The following PPM1H variants were observed in gnomAD, a reference collection of about 807,000 sequenced individuals.
The protein encoded by PPM1H is protein phosphatase 1H.
In PPM1H, 27 loss-of-function variants were observed where a neutral mutation model predicts 54.9. That is an observed-to-expected ratio of 0.49 (90% confidence interval 0.36 to 0.68). The LOEUF is 0.68. PPM1H is among the 30% of genes least tolerant of loss of function. PPM1H has a pLI of 0.00. For missense variants in PPM1H, 596 were observed against 667.8 expected, an observed-to-expected ratio of 0.89 and a Z score of 1.19; for synonymous variants, 305 against 270.8, an observed-to-expected ratio of 1.13 and a Z score of -1.24.
At position 62,752,908 on chromosome 12, in the gene PPM1H, C is replaced by T. The variant is rs979751396; in HGVS notation, c.870-15322G>A. Among the ~76,000 whole-genome samples the T allele has an allele frequency of 9.9e-5, 15 of 152,082 alleles. No homozygotes were observed. The South Asian group carries it at 1.2e-3, about 13-fold the overall frequency. On this transcript the variant is annotated intron_variant, in intron 4 of 9. Transcript: ENST00000228705. Reference sequence around the variant, plus strand: ...GATGATGCTATTAACACAGGAGAGACGAGCAGAAGAGTTGGTCTGGAGAAG... The same window carrying T: ...GATGATGCTATTAACACAGGAGAGATGAGCAGAAGAGTTGGTCTGGAGAAG...
intron 2 of PPM1H, among the ~76,000 whole-genome samples, chr12:62,807,549 G>A (rs1000338513): frequency 6.6e-6 from 1 of 152,180 alleles, no homozygotes; most frequent in African/African-American, 2.4e-5. Flanking sequence ...GCTGAGTGGT[G>A]GCAGGACAGG....
intron 6 of PPM1H, among the ~76,000 whole-genome samples, chr12:62,703,730 G>A (rs894364131): frequency 3.9e-5 from 6 of 152,072 alleles, no homozygotes; most frequent in Non-Finnish European, 5.9e-5. Flanking sequence ...GGAATCCACA[G>A]AGGCTCTCCC....
At chr12:62,666,841 G>A (rs2136611731) in intron 9 of PPM1H, among the ~76,000 whole-genome samples, 1 of 152,246 alleles carries the variant, frequency 6.6e-6, no homozygotes, top group African/African-American at 2.4e-5. Flanking sequence ...TGCCTCCCGA[G>A]TAACTGGGAT....
intron 5 of PPM1H, among the ~76,000 whole-genome samples, 194 bp downstream of exon 5, chr12:62,737,308 T>G (rs2076355309): frequency 6.6e-6 from 1 of 150,410 alleles, no homozygotes; most frequent in African/African-American, 2.5e-5. Flanking sequence ...AATAATAAAT[T>G]CACGGAGGTG....
At chr12:62,864,046 G>A (rs756106740) in intron 1 of PPM1H, among the ~76,000 whole-genome samples, 5 of 152,198 alleles carry the variant, frequency 3.3e-5, no homozygotes, top group Non-Finnish European at 7.3e-5. Flanking sequence ...TTCTACTGCA[G>A]GGGATATTTG....
chr12:62,734,869 C>A (rs561365892), intron 5 of PPM1H, among the ~76,000 whole-genome samples: 1 of 151,898 alleles, frequency 6.6e-6, no homozygotes, highest in Non-Finnish European at 1.5e-5. Flanking sequence ...ACAGTGAGAC[C>A]CCCCCATCTC....
At chr12:62,705,954 C>G (rs372586687) in intron 6 of PPM1H, among the ~76,000 whole-genome samples, 3 of 152,338 alleles carry the variant, frequency 2.0e-5, no homozygotes, top group South Asian at 2.1e-4. Flanking sequence ...CAGGCAGTTC[C>G]TCTGTGTCGG....
intron 5 of PPM1H, among the ~76,000 whole-genome samples, chr12:62,730,045 G>C (rs2076311767): frequency 1.3e-5 from 2 of 152,004 alleles, no homozygotes; most frequent in South Asian, 4.2e-4. Context: ...CTCCCCTACT[G>C]AGCACCCTGT....
At chr12:62,922,616 G>C (rs1170693648) in intron 1 of PPM1H, among the ~76,000 whole-genome samples, 2 of 152,174 alleles carry the variant, frequency 1.3e-5, no homozygotes, top group Non-Finnish European at 2.9e-5. Context: ...CAGCTAGGCA[G>C]TTAAATTTTA....
intron 5 of PPM1H, among the ~76,000 whole-genome samples, chr12:62,733,444 A>C (rs2120510487): frequency 6.6e-6 from 1 of 152,224 alleles, no homozygotes; most frequent in African/African-American, 2.4e-5. Flanking sequence ...TTTTTAGTAG[A>C]GATGGGGTTT....
In PPM1H at chr12:62,646,799, G is replaced by A. The variant is rs1183405829; in HGVS notation, c.*1690C>T. 1.3e-5 allele frequency: 2 copies of A among 152,326 alleles called. No individual in the cohort carries two copies. Among genetic ancestry groups the A allele is most frequent in the East Asian group, 3.9e-4 (2 of 5,168 alleles). The allele number at this position is 152,326 out of a possible 1,614,324, so 9.4% of individuals were successfully genotyped here. A position where few individuals can be genotyped will look rare whatever the true frequency, so the allele number is the denominator to read the frequency against. On this transcript the variant is annotated 3_prime_UTR_variant, in exon 10 of 10. Transcript: ENST00000228705. ...CTGGAATGAGTTCTTTCCTGAGCAG[G>A]AGGGGCTCCAGGCCTTTTCGAATAC... is the stretch of plus-strand genomic sequence containing the variant.
rs58266581 is a variant in PPM1H at position 62,891,580 on chromosome 12, A to G, written c.245+42912T>C. Among the ~76,000 whole-genome samples, 348 of 152,194 alleles carry G rather than the reference A, an allele frequency of 2.3e-3. 1 individual carries two copies. The highest frequency in any genetic ancestry group is 7.9e-3 in the African/African-American group (330 of 41,514). On this transcript the variant is annotated intron_variant, in intron 1 of 9. Transcript: ENST00000228705. ...CATTTCTTCCATCATATGCTCCACT[A>G]TTGTCTCTGGGACATTTTTCTAGCT... is the stretch of plus-strand genomic sequence containing the variant.
chr12:62,787,908 C>T (rs890760844), intron 4 of PPM1H, among the ~76,000 whole-genome samples: 17 of 152,130 alleles, frequency 1.1e-4, no homozygotes, highest in African/African-American at 4.1e-4. Flanking sequence ...CCAGGGCACT[C>T]GAATCCCTTT....
Position 62,689,754 on chromosome 12 carries a change from A to T in PPM1H, c.1190T>A (p.Leu397Gln). The T allele has an allele frequency of 2.5e-6, 4 of 1,613,862 alleles. No individual in the cohort carries two copies. Among genetic ancestry groups the T allele is most frequent in the Non-Finnish European group, 3.4e-6 (4 of 1,179,846 alleles). ...GTAGATGTTGGAGTCATGCACCTTC[A>T]GGTCATGGTCCCCAAGTCCCCTGGT... ...GVTRGLGDHD[L>Q]KVHDSNIYIK... is the part of the protein sequence containing the mutation. Residue 397 changes from leucine to glutamine, a missense_variant, in exon 8 of 10, where the codon CTG (leucine) becomes CAG (glutamine). Leu to Gln is a moderately radical substitution (Grantham distance 113, BLOSUM62 -2). Transcript: ENST00000228705.
chr12:62,815,823 T>TA (rs2076863102), intron 2 of PPM1H, among the ~76,000 whole-genome samples: 1 of 152,120 alleles, frequency 6.6e-6, no homozygotes, highest in Non-Finnish European at 1.5e-5. Context: ...CAAACTCAGG[T>TA]ATTCATGCTT....
At chr12:62,824,680 C>G (rs1002219651) in intron 2 of PPM1H, among the ~76,000 whole-genome samples, 171 of 152,078 alleles carry the variant, frequency 1.1e-3, no homozygotes, top group African/African-American at 2.3e-3. Context: ...AATGGTGCTG[C>G]GAAAACTGGC....
At chr12:62,729,595 C>T (rs1003561465) in intron 5 of PPM1H, among the ~76,000 whole-genome samples, 3 of 152,176 alleles carry the variant, frequency 2.0e-5, no homozygotes, top group Non-Finnish European at 4.4e-5. Flanking sequence ...AAGAACATTA[C>T]CAGCATCCTG....
chr12:62,927,053 A>G (rs1160325511), intron 1 of PPM1H, among the ~76,000 whole-genome samples: 1 of 152,234 alleles, frequency 6.6e-6, no homozygotes, highest in Admixed American at 6.5e-5. Flanking sequence ...CAATAATCAA[A>G]CAGATTACAA....
chr12:62,694,773 C>T (rs1460923621), intron 6 of PPM1H, among the ~76,000 whole-genome samples: 1 of 152,192 alleles, frequency 6.6e-6, no homozygotes, highest in African/African-American at 2.4e-5. Flanking sequence ...GTCTCAGTTT[C>T]CTCATCTGTA....
Sources: gnomAD v4.1 joint callset for allele counts (sites outside exome capture counted in the v4.1 genomes callset) on GRCh38, gnomAD v4.1.1 for gene constraint, MANE v1.5 for transcripts, NCBI Gene and HGNC (gene_info 2026-07-23, HGNC 2026-07-21) for gene names.